The following FSTL4 variants were observed in gnomAD, a reference collection of about 807,000 sequenced individuals.
The protein encoded by FSTL4 is follistatin-related protein 4.
A neutral mutation model predicts 78.2 loss-of-function variants in FSTL4; 28 were observed. That is an observed-to-expected ratio of 0.36 (90% CI 0.27 to 0.49). The LOEUF (loss-of-function observed/expected upper bound fraction) is 0.49. Among genes scored for constraint, FSTL4 ranks in the 20% least tolerant of loss-of-function variants. The pLI, the probability that FSTL4 is intolerant of heterozygous loss-of-function variation, is 0.98. For missense variants in FSTL4, 922 were observed against 1,084.9 expected (o/e 0.85, Z 2.11); for synonymous variants, 422 against 440.5 (o/e 0.96, Z 0.53).
intron 3 of FSTL4, among the ~76,000 whole-genome samples, chr5:133,474,183 C>T (rs905376001): frequency 5.3e-5 from 8 of 152,140 alleles, no homozygotes; most frequent in Non-Finnish European, 1.0e-4. Flanking sequence ...TGGCCTCTTG[C>T]ATACAGGTGG....
At chr5:133,219,764 GA>G in intron 12 of FSTL4, among the ~76,000 whole-genome samples, 1 of 152,232 alleles carries the variant, frequency 6.6e-6, no homozygotes, top group Non-Finnish European at 1.5e-5. Flanking sequence ...GGATTTGAGA[GA>G]GTCCCTCCAA....
At chr5:133,228,855 C>T (rs181199161) in intron 8 of FSTL4, among the ~76,000 whole-genome samples, 1 of 152,254 alleles carries the variant, frequency 6.6e-6, no homozygotes, top group Admixed American at 6.5e-5. Flanking sequence ...GGAAGAGAGG[C>T]AATACCAGAC....
chr5:133,393,197 G>A (rs981839771), intron 4 of FSTL4, among the ~76,000 whole-genome samples: 2 of 152,316 alleles, frequency 1.3e-5, no homozygotes, highest in African/African-American at 4.8e-5. Context: ...CAGAATCCGC[G>A]GAGGAGTGAG....
chr5:133,200,588 G>T (rs758785341), intron 15 of FSTL4, among the ~76,000 whole-genome samples: 5 of 152,232 alleles, frequency 3.3e-5, no homozygotes, highest in African/African-American at 4.8e-5. Context: ...GAGGGACTCA[G>T]GTAGGTGGGA....
At chr5:133,316,230 C>A (rs1753898731) in intron 5 of FSTL4, among the ~76,000 whole-genome samples, 2 of 152,202 alleles carry the variant, frequency 1.3e-5, no homozygotes, top group Non-Finnish European at 2.9e-5. Context: ...GTCAAAACAT[C>A]AGAGACCAGG....
At chr5:133,735,446 G>C in the FSTL4 span, among the ~76,000 whole-genome samples, 1 of 152,164 alleles carries the variant, frequency 6.6e-6, no homozygotes, top group Non-Finnish European at 1.5e-5. Flanking sequence ...CCTGGTGACA[G>C]AGCGAGACAC....
chr5:133,315,291 A>G (rs374772765), intron 5 of FSTL4, among the ~76,000 whole-genome samples: 172 of 152,354 alleles, frequency 1.1e-3, no homozygotes, highest in African/African-American at 3.9e-3. Flanking sequence ...TTGTCTCCCA[A>G]GGTCCACTAG....
chr5:133,430,798 G>A (rs1037299926), intron 3 of FSTL4, among the ~76,000 whole-genome samples: 1 of 152,144 alleles, frequency 6.6e-6, no homozygotes, highest in Non-Finnish European at 1.5e-5. Flanking sequence ...ATGCTTAGCT[G>A]GCTGTGCTTA....
chr5:133,240,996 CGA>C (rs1478530567), intron 7 of FSTL4, among the ~76,000 whole-genome samples: 2 of 152,028 alleles, frequency 1.3e-5, no homozygotes, highest in Non-Finnish European at 2.9e-5. Flanking sequence ...GGGCTGGGGA[CGA>C]GAGGGCAGCC....
chr5:133,260,081 C>A (rs1203849538), intron 6 of FSTL4, among the ~76,000 whole-genome samples: 1 of 152,236 alleles, frequency 6.6e-6, no homozygotes, highest in Non-Finnish European at 1.5e-5. Context: ...AAAAACCCTC[C>A]TCCAAGGAAG....
chr5:133,222,225 T>G (rs1007607176), intron 11 of FSTL4, among the ~76,000 whole-genome samples: 7 of 152,056 alleles, frequency 4.6e-5, no homozygotes, highest in African/African-American at 1.7e-4. Flanking sequence ...TCAGAAGCTG[T>G]GAACACCAGG....
chr5:133,491,565 A>G (rs1561738149), intron 3 of FSTL4, among the ~76,000 whole-genome samples: 2 of 151,802 alleles, frequency 1.3e-5, no homozygotes, highest in African/African-American at 4.8e-5. Context: ...ACGCCTGGCT[A>G]ATTTTTTTGT....
chr5:133,564,473 A>C (rs1012259816), intron 3 of FSTL4, among the ~76,000 whole-genome samples: 2 of 152,226 alleles, frequency 1.3e-5, no homozygotes, highest in African/African-American at 4.8e-5. Context: ...CAACACCCAC[A>C]AAGCAAATGT....
chr5:133,465,878 A>G (rs1012564766), intron 3 of FSTL4, among the ~76,000 whole-genome samples: 1 of 152,258 alleles, frequency 6.6e-6, no homozygotes, highest in Non-Finnish European at 1.5e-5. Flanking sequence ...AAGTGATTTT[A>G]TCGATGGTTG....
chr5:133,658,275 A>C, the FSTL4 span, among the ~76,000 whole-genome samples: 1 of 152,150 alleles, frequency 6.6e-6, no homozygotes, highest in African/African-American at 2.4e-5. Context: ...GATCAGGTTT[A>C]TACTAACCTG....
intron 4 of FSTL4, among the ~76,000 whole-genome samples, chr5:133,324,810 T>C (rs1174990308): frequency 1.3e-5 from 2 of 152,128 alleles, no homozygotes; most frequent in Non-Finnish European, 2.9e-5. Context: ...TGGTGACGGG[T>C]CTGGATCTCT....
At chr5:133,443,623 C>A (rs1012147242) in intron 3 of FSTL4, among the ~76,000 whole-genome samples, 1 of 152,162 alleles carries the variant, frequency 6.6e-6, no homozygotes, top group East Asian at 1.9e-4. Flanking sequence ...TCTGACTCCT[C>A]CTAGTCAAGA....
intron 4 of FSTL4, among the ~76,000 whole-genome samples, chr5:133,387,596 T>A (rs942568556): frequency 6.6e-6 from 1 of 152,190 alleles, no homozygotes; most frequent in Non-Finnish European, 1.5e-5. Flanking sequence ...ATTTGGCTCT[T>A]ATGCATTTCT....
intron 3 of FSTL4, among the ~76,000 whole-genome samples, chr5:133,521,195 T>C (rs1048607655): frequency 2.6e-5 from 4 of 152,090 alleles, no homozygotes; most frequent in African/African-American, 9.7e-5. Context: ...TAACCTTAGG[T>C]ACAGCAGTCT....
Sources: allele counts gnomAD v4.1 joint callset (sites outside exome capture counted in the v4.1 genomes callset), GRCh38; gene constraint gnomAD v4.1.1; transcripts MANE v1.5; gene names NCBI Gene and HGNC (gene_info 2026-07-23, HGNC 2026-07-21).